Variants in ST3GAL2 observed in about 807,000 individuals in gnomAD.
ST3GAL2 encodes the protein ST3 beta-galactoside alpha-2,3-sialyltransferase 2, also known as CMP-N-acetylneuraminate-beta-galactosamide-alpha-2,3-sialyltransferase 2.
A neutral mutation model predicts 37.5 loss-of-function variants in ST3GAL2; 16 were observed. The ratio of observed to expected loss-of-function variants is 0.43; its 90% CI spans 0.29 to 0.65. The LOEUF (loss-of-function observed/expected upper bound fraction) is 0.65. Ranked by LOEUF, ST3GAL2 falls within the 30% of genes least tolerant of loss-of-function variation. The pLI, the probability that ST3GAL2 is intolerant of heterozygous loss-of-function variation, is 0.17. For synonymous variants in ST3GAL2, 238 were observed against 202.9 expected, an observed-to-expected ratio of 1.17 and a Z score of -1.47; for missense variants, 383 against 487.8, an observed-to-expected ratio of 0.79 and a Z score of 2.02.
intron 1 of ST3GAL2, among the ~76,000 whole-genome samples, chr16:70,430,218 G>A (rs1277068673): frequency 2.0e-5 from 3 of 152,352 alleles, no homozygotes; most frequent in Non-Finnish European, 2.9e-5. Flanking sequence ...TCCAGGCTGG[G>A]CAGGAACTGC....
At chr16:70,390,413 T>C (rs60575688) in intron 3 of ST3GAL2, among the ~76,000 whole-genome samples, 14,199 of 152,196 alleles carry the variant, frequency 0.093, 2,138 homozygotes, top group African/African-American at 0.32. Flanking sequence ...AAGAACAGCC[T>C]TCCGCAGCTT....
intron 1 of ST3GAL2, among the ~76,000 whole-genome samples, chr16:70,401,320 G>T (rs754037278): frequency 6.6e-6 from 1 of 152,176 alleles, no homozygotes; most frequent in Non-Finnish European, 1.5e-5. Context: ...CAGGGGGCAC[G>T]CGAAGGAACT....
At chr16:70,400,462 C>T (rs2047547796) in intron 1 of ST3GAL2, 1 of 152,522 alleles carries the variant, frequency 6.6e-6, no homozygotes, top group Non-Finnish European at 1.5e-5. Flanking sequence ...GACCTAGCCC[C>T]TGGGCCTCTC....
At chr16:70,428,467 C>A (rs1372453339) in intron 1 of ST3GAL2, among the ~76,000 whole-genome samples, 2 of 152,230 alleles carry the variant, frequency 1.3e-5, no homozygotes, top group African/African-American at 4.8e-5. Context: ...TTAACAACCC[C>A]TCCCCCGCTT....
At chr16:70,390,891 C>T (rs560618320) in intron 3 of ST3GAL2, among the ~76,000 whole-genome samples, 1 of 152,228 alleles carries the variant, frequency 6.6e-6, no homozygotes, top group Non-Finnish European at 1.5e-5. Context: ...TGTTTACAAG[C>T]ACATTCCTGT....
intron 1 of ST3GAL2, among the ~76,000 whole-genome samples, chr16:70,423,746 G>C (rs889296397): frequency 3.5e-5 from 5 of 143,372 alleles, no homozygotes; most frequent in African/African-American, 1.3e-4. Context: ...GTGTGATCTC[G>C]GCTCACCACA....
intron 1 of ST3GAL2, among the ~76,000 whole-genome samples, chr16:70,433,556 G>A (rs951405027): frequency 4.6e-5 from 7 of 152,174 alleles, no homozygotes; most frequent in African/African-American, 9.6e-5. Flanking sequence ...AAGGGAACAC[G>A]GCCCAGGCTG....
At chr16:70,409,805 A>ATTT (rs980660367) in intron 1 of ST3GAL2, among the ~76,000 whole-genome samples, 6 of 129,054 alleles carry the variant, frequency 4.6e-5, no homozygotes, top group Non-Finnish European at 8.2e-5. Flanking sequence ...ACCTGGCTAA[A>ATTT]TTTTTTTTTT....
intron 1 of ST3GAL2, among the ~76,000 whole-genome samples, chr16:70,415,104 T>C (rs903180982): frequency 6.6e-6 from 1 of 152,036 alleles, no homozygotes; most frequent in Non-Finnish European, 1.5e-5. Flanking sequence ...TCGATCTCCT[T>C]ACCTCGTGAT....
At chr16:70,423,650 A>G (rs1597574632) in intron 1 of ST3GAL2, among the ~76,000 whole-genome samples, 1 of 148,860 alleles carries the variant, frequency 6.7e-6, no homozygotes, top group South Asian at 2.1e-4. Context: ...CCACTTCCTG[A>G]TCTGTAAATG....
chr16:70,408,520 C>T (rs767187876), intron 1 of ST3GAL2, among the ~76,000 whole-genome samples: 24 of 152,080 alleles, frequency 1.6e-4, no homozygotes, highest in Non-Finnish European at 3.5e-4. Flanking sequence ...CACCACCCTG[C>T]TTGGTTAACT....
rs1287748684 is a variant in ST3GAL2, at chr16:70,376,975, T to A, written c.*4714A>T. 1 of 151,312 alleles carries A rather than the reference T, an allele frequency of 6.6e-6. No homozygotes were observed. The highest frequency in any genetic ancestry group is 1.5e-5 in the Non-Finnish European group (1 of 67,894). 9.4% of individuals were successfully genotyped at this position (151,312 alleles called of 1,614,324 possible). On this transcript the variant is annotated 3_prime_UTR_variant, in exon 7 of 7. Coordinates refer to ENST00000342907, the MANE Select transcript of ST3GAL2 (RefSeq NM_006927.4). Reference sequence around the variant, plus strand: ...CCAGGCTGGTCTTGAACTCCTGACCTCGTGATTCACCTGCCTCAGCCTCCC... The same window carrying A: ...CCAGGCTGGTCTTGAACTCCTGACCACGTGATTCACCTGCCTCAGCCTCCC...
At chr16:70,417,626 G>A (rs1239509503) in intron 1 of ST3GAL2, among the ~76,000 whole-genome samples, 3 of 152,222 alleles carry the variant, frequency 2.0e-5, no homozygotes, top group Non-Finnish European at 4.4e-5. Context: ...GAGTTTCTCT[G>A]CAAGGCCAAA....
chr16:70,399,259 G>C lies in ST3GAL2; in HGVS notation c.-729C>G. On this transcript the variant is annotated 5_prime_UTR_variant, in exon 2 of 7. Coordinates refer to ENST00000342907, the MANE Select transcript of ST3GAL2 (RefSeq NM_006927.4). Reference sequence around the variant, plus strand: ...CCTGGTGGCCCCAGCCCCAGCTGCAGTTGCGTAGGGGTCGCAAAGCTCCTA... The same window carrying C: ...CCTGGTGGCCCCAGCCCCAGCTGCACTTGCGTAGGGGTCGCAAAGCTCCTA... 1 of 398,912 alleles carries C rather than the reference G, an allele frequency of 2.5e-6. No homozygotes were observed. Among genetic ancestry groups the C allele is most frequent in the East Asian group, 3.6e-5 (1 of 28,086 alleles). The allele number at this position is 398,912 out of a possible 1,614,324, so 24.7% of individuals were successfully genotyped here.
intron 1 of ST3GAL2, among the ~76,000 whole-genome samples, chr16:70,425,413 G>C (rs1373225270): frequency 6.6e-6 from 1 of 152,108 alleles, no homozygotes; most frequent in Non-Finnish European, 1.5e-5. Flanking sequence ...AGTGAGCTGA[G>C]ATCGTGCCAC....
rs535270119 is a variant in ST3GAL2, at chr16:70,438,586, G to A, written c.-1004+363C>T. Reference sequence around the variant, plus strand: ...GTGGAGCAGAGGCCGGGAGACCCAGGGTTAGCGGTACGAACTAGGGAGTGG... The same window carrying A: ...GTGGAGCAGAGGCCGGGAGACCCAGAGTTAGCGGTACGAACTAGGGAGTGG... On this transcript the variant is annotated intron_variant, in intron 1 of 6. Transcript: ENST00000342907. Among the ~76,000 whole-genome samples, 12 of 152,198 alleles carry A rather than the reference G, an allele frequency of 7.9e-5. No homozygotes were observed. The South Asian group carries it at 2.3e-3, about 29-fold the overall frequency.
intron 1 of ST3GAL2, among the ~76,000 whole-genome samples, chr16:70,422,248 A>G (rs2047720151): frequency 6.6e-6 from 1 of 152,224 alleles, no homozygotes; most frequent in African/African-American, 2.4e-5. Flanking sequence ...CACTCCCTGC[A>G]AAGATTAAAT....
intron 1 of ST3GAL2, among the ~76,000 whole-genome samples, chr16:70,436,458 G>GAAAAAAAAAAAAAA (rs58205790): frequency 8.9e-6 from 1 of 112,370 alleles, no homozygotes. Context: ...CTCAAAAAAA[G>GAAAAAAAAAAAAAA]AAAAAAAAAA....
chr16:70,404,991 C>T (rs2047579736), intron 1 of ST3GAL2, among the ~76,000 whole-genome samples: 1 of 151,116 alleles, frequency 6.6e-6, no homozygotes, highest in South Asian at 2.1e-4. Context: ...CGAGATCGCA[C>T]CACTGCACTC....
Sources: gnomAD v4.1 joint callset for allele counts (sites outside exome capture counted in the v4.1 genomes callset) on GRCh38, gnomAD v4.1.1 for gene constraint, MANE v1.5 for transcripts, NCBI Gene and HGNC (gene_info 2026-07-23, HGNC 2026-07-21) for gene names.